Variants in SMAP2 observed in about 807,000 individuals in gnomAD.
SMAP2 encodes small ArfGAP2.
A neutral mutation model predicts 56.4 loss-of-function variants in SMAP2; 25 were observed. The observed-to-expected ratio is 0.44, with a 90% CI of 0.32 to 0.62. The LOEUF (loss-of-function observed/expected upper bound fraction) is 0.62. Ranked by LOEUF, SMAP2 falls within the 20% of genes least tolerant of loss-of-function variation. The pLI is 0.04. For synonymous variants in SMAP2, 157 were observed against 181.7 expected (o/e 0.86, Z 1.09); for missense variants, 388 against 545.6 (o/e 0.71, Z 2.88).
At position 40,374,580 on chromosome 1, in the gene SMAP2, C is replaced by A; in HGVS notation, c.103+357C>A. 8.9e-7 allele frequency: 1 copy of A among 1,127,512 alleles called. No homozygotes were observed. The highest frequency in any genetic ancestry group is 2.8e-5 in the East Asian group (1 of 35,912). 69.8% of individuals were successfully genotyped at this position (1,127,512 alleles called of 1,614,324 possible). On this transcript the variant is annotated intron_variant, in intron 1 of 9. Coordinates refer to ENST00000372718, the MANE Select transcript of SMAP2 (RefSeq NM_022733.3). The surrounding 1 kb of genome is among the most constrained non-coding windows in gnomAD (Gnocchi z 5.9). ...GCAAAGCTGGGGATGAACTGCATTG[C>A]GTGCGTGCGTGCGTGCGTGTGTGTG...
At chr1:40,419,774 A>G (rs1645025000) in intron 9 of SMAP2, among the ~76,000 whole-genome samples, 1 of 152,284 alleles carries the variant, frequency 6.6e-6, no homozygotes, top group South Asian at 2.1e-4. Flanking sequence ...ATACAAAGTG[A>G]TTTAATGTGA....
At chr1:40,390,840 G>T (rs527437358) in intron 1 of SMAP2, among the ~76,000 whole-genome samples, 1 of 152,230 alleles carries the variant, frequency 6.6e-6, no homozygotes, top group South Asian at 2.1e-4. Context: ...CCTAAGGTTT[G>T]TTACAATTTT....
intron 1 of SMAP2, among the ~76,000 whole-genome samples, chr1:40,400,950 A>C (rs935700866): frequency 6.6e-6 from 1 of 152,146 alleles, no homozygotes; most frequent in Non-Finnish European, 1.5e-5. Context: ...ATAGGTACAC[A>C]ATAAATAATG....
At chr1:40,400,387 G>T (rs999806720) in intron 1 of SMAP2, among the ~76,000 whole-genome samples, 1 of 152,222 alleles carries the variant, frequency 6.6e-6, no homozygotes, top group Non-Finnish European at 1.5e-5. Flanking sequence ...CAAGTTGGCT[G>T]TTTGGTGGAG....
chr1:40,353,838 G>A (rs1390006802), intron 1 of SMAP2, among the ~76,000 whole-genome samples: 1 of 151,796 alleles, frequency 6.6e-6, no homozygotes, highest in Non-Finnish European at 1.5e-5. Context: ...CAATCCTCCT[G>A]CCTCAGCCTC....
chr1:40,406,956 G>A lies in SMAP2; in HGVS notation c.237+87G>A. Reference sequence around the variant, plus strand: ...AATTTCAGTCAAACCTGGCACAAAGGTGAAGATAAAGGAAAATTTAGTTGT... The same window carrying A: ...AATTTCAGTCAAACCTGGCACAAAGATGAAGATAAAGGAAAATTTAGTTGT... On this transcript the variant is annotated intron_variant, in intron 2 of 9. Coordinates refer to ENST00000372718, the MANE Select transcript of SMAP2 (RefSeq NM_022733.3). 8.3e-6 allele frequency: 12 copies of A among 1,439,954 alleles called. No homozygotes were observed. The South Asian group carries it at 1.7e-4, about 20-fold the overall frequency. The allele number at this position is 1,439,954 out of a possible 1,614,324, so 89.2% of individuals were successfully genotyped here.
chr1:40,373,440 C>A (rs897645818), upstream of SMAP2, among the ~76,000 whole-genome samples: 4 of 152,236 alleles, frequency 2.6e-5, no homozygotes, highest in Non-Finnish European at 2.9e-5. Flanking sequence ...CAGTGCCTAG[C>A]GCATAGTAAG....
chr1:40,371,787 T>G (rs1033692054), upstream of SMAP2, among the ~76,000 whole-genome samples: 2 of 152,208 alleles, frequency 1.3e-5, no homozygotes, highest in African/African-American at 4.8e-5. Flanking sequence ...ATTCACTATC[T>G]ACCAAGGGCT....
At chr1:40,421,336 C>T (rs1645039280) in intron 9 of SMAP2, among the ~76,000 whole-genome samples, 1 of 152,052 alleles carries the variant, frequency 6.6e-6, no homozygotes, top group South Asian at 2.1e-4. Flanking sequence ...CTGCTAGGGG[C>T]CAGTCTTTCC....
chr1:40,402,934 C>G (rs566363800), intron 1 of SMAP2, among the ~76,000 whole-genome samples: 7 of 152,284 alleles, frequency 4.6e-5, no homozygotes, highest in Non-Finnish European at 1.0e-4. Flanking sequence ...GTACCCACCA[C>G]TTAGGTTGAC....
At chr1:40,356,572 A>G (rs920895321) in intron 1 of SMAP2, among the ~76,000 whole-genome samples, 2 of 151,856 alleles carry the variant, frequency 1.3e-5, no homozygotes, top group Non-Finnish European at 2.9e-5. Context: ...CACCATGCCC[A>G]GCTAATTTTT....
chr1:40,404,820 T>C (rs1331786861), intron 1 of SMAP2, among the ~76,000 whole-genome samples: 4 of 152,212 alleles, frequency 2.6e-5, no homozygotes, highest in Admixed American at 2.0e-4. Context: ...TACATCAGTT[T>C]AGGGTTTTCA....
chr1:40,361,612 G>A (rs1241614543), intron 1 of SMAP2, among the ~76,000 whole-genome samples: 1 of 152,176 alleles, frequency 6.6e-6, no homozygotes, highest in Non-Finnish European at 1.5e-5. Flanking sequence ...CCTGAAGGGA[G>A]AGTCCCACAC....
At chr1:40,390,526 T>C (rs1644705488) in intron 1 of SMAP2, among the ~76,000 whole-genome samples, 1 of 152,168 alleles carries the variant, frequency 6.6e-6, no homozygotes, top group Non-Finnish European at 1.5e-5. Context: ...GGTTACACTG[T>C]TTTTCCCTTC....
At chr1:40,394,510 T>C (rs1644750709) in intron 1 of SMAP2, among the ~76,000 whole-genome samples, 1 of 152,264 alleles carries the variant, frequency 6.6e-6, no homozygotes, top group East Asian at 1.9e-4. Flanking sequence ...ATGCAATCAG[T>C]CTCATCTCAC....
chr1:40,345,008 G>A (rs1644379774), intron 1 of SMAP2: 1 of 148,990 alleles, frequency 6.7e-6, no homozygotes, highest in Admixed American at 6.8e-5. Context: ...CTTTCATCAG[G>A]TGTAGTTGTG....
chr1:40,416,204 G>T lies in SMAP2; in HGVS notation c.710G>T (p.Ser237Ile). 3.7e-6 allele frequency: 6 copies of T among 1,614,084 alleles called. No homozygotes were observed. The highest frequency in any genetic ancestry group is 5.1e-6 in the Non-Finnish European group (6 of 1,180,012). The change falls in exon 8 of 10, where the codon AGT becomes ATT. Residue 237 changes from serine to isoleucine, a missense_variant. Ser to Ile is a moderately radical substitution (Grantham distance 142, BLOSUM62 -2). Transcript: ENST00000372718. Reference protein sequence around the residue: ...KVVGSMPTAGSAGSVPENLNL... With the variant: ...KVVGSMPTAGIAGSVPENLNL... ...GTAGGTTCCATGCCAACTGCAGGGA[G>T]TGCCGGCTCTGTTCCTGAAAATCTG...
intron 8 of SMAP2, 148 bp downstream of exon 8, chr1:40,416,489 A>T: frequency 2.4e-6 from 2 of 844,544 alleles, no homozygotes; most frequent in South Asian, 1.7e-5. Context: ...GTATCAGCAG[A>T]TGGAAATTAA....
intron 9 of SMAP2, 145 bp from the exon 10 acceptor site, chr1:40,421,831 A>G: frequency 1.2e-6 from 1 of 859,820 alleles, no homozygotes; most frequent in Non-Finnish European, 1.8e-6. Flanking sequence ...CTGACTGCTA[A>G]GGTCCAGGGT....
Sources: gnomAD v4.1 joint callset for allele counts (sites outside exome capture counted in the v4.1 genomes callset) on GRCh38, gnomAD v4.1.1 for gene constraint, Gnocchi (gnomAD v3.1) non-coding constraint, MANE v1.5 for transcripts, NCBI Gene and HGNC (gene_info 2026-07-23, HGNC 2026-07-21) for gene names.